The following PCDH15 variants were observed in gnomAD, a reference collection of about 807,000 sequenced individuals.
The protein encoded by PCDH15 is protocadherin-15.
Under a neutral mutation model 178.5 loss-of-function variants are expected in PCDH15, and 129 were observed. The ratio of observed to expected loss-of-function variants is 0.72; its 90% CI spans 0.63 to 0.84. PCDH15 has a LOEUF of 0.84. Ranked by LOEUF, PCDH15 falls within the 40% of genes least tolerant of loss-of-function variation. PCDH15 has a pLI of 0.00. For missense variants in PCDH15, 2,230 were observed against 2,099.9 expected, an observed-to-expected ratio of 1.06 and a Z score of -1.21; for synonymous variants, 800 against 732.0, an observed-to-expected ratio of 1.09 and a Z score of -1.50.
intron 18 of PCDH15, among the ~76,000 whole-genome samples, chr10:54,060,202 G>A (rs542276878): frequency 1.3e-5 from 2 of 152,264 alleles, no homozygotes; most frequent in Non-Finnish European, 2.9e-5. Flanking sequence ...ACTTAAAAAG[G>A]ATAAACGCTG....
chr10:53,838,273 C>A (rs899134663), intron 29 of PCDH15, among the ~76,000 whole-genome samples: 6 of 152,060 alleles, frequency 3.9e-5, no homozygotes. Context: ...CCGCGCCCGG[C>A]CAAAAATTTA....
chr10:54,254,772 T>C (rs567579486), intron 8 of PCDH15, among the ~76,000 whole-genome samples: 1 of 152,212 alleles, frequency 6.6e-6, no homozygotes, highest in Non-Finnish European at 1.5e-5. Context: ...CAGGGTACTG[T>C]TGATAACTCT....
chr10:54,623,038 C>T (rs2093437035), intron 2 of PCDH15, among the ~76,000 whole-genome samples: 1 of 151,636 alleles, frequency 6.6e-6, no homozygotes, highest in Non-Finnish European at 1.5e-5. Context: ...CCACTACTTC[C>T]ATATAAAGTC....
At chr10:54,024,921 A>G (rs895745864) in intron 18 of PCDH15, among the ~76,000 whole-genome samples, 4 of 152,158 alleles carry the variant, frequency 2.6e-5, no homozygotes, top group Admixed American at 2.0e-4. Context: ...TTGTAAGCCA[A>G]GAACAAAATA....
chr10:54,859,454 GTC>G (rs1353670024), intron 3 of PCDH15, among the ~76,000 whole-genome samples: 1 of 151,684 alleles, frequency 6.6e-6, no homozygotes, highest in Non-Finnish European at 1.5e-5. Context: ...TCAAACATTT[GTC>G]TTTTTCCTAT....
chr10:54,537,199 C>A (rs1030648510), intron 2 of PCDH15, among the ~76,000 whole-genome samples: 1 of 151,936 alleles, frequency 6.6e-6, no homozygotes, highest in African/African-American at 2.4e-5. Flanking sequence ...CGGGGTTTCA[C>A]CGTGTTAGCC....
intron 2 of PCDH15, among the ~76,000 whole-genome samples, chr10:55,143,218 A>G (rs112795013): frequency 0.013 from 2,034 of 152,062 alleles, 37 homozygotes; most frequent in African/African-American, 0.044. Context: ...TTTTTTAAAT[A>G]AATTACCCAT....
chr10:54,932,744 T>C (rs1273556164), intron 2 of PCDH15, among the ~76,000 whole-genome samples: 1 of 152,010 alleles, frequency 6.6e-6, no homozygotes, highest in Non-Finnish European at 1.5e-5. Flanking sequence ...ACCATGTTGA[T>C]CAGGCAGGTC....
intron 1 of PCDH15, among the ~76,000 whole-genome samples, chr10:55,206,665 AT>A (rs1201678560): frequency 1.3e-5 from 2 of 152,128 alleles, no homozygotes; most frequent in African/African-American, 4.8e-5. Flanking sequence ...CTTTAGACAC[AT>A]TTTGGAGCAG....
intron 21 of PCDH15, among the ~76,000 whole-genome samples, chr10:53,972,992 C>G (rs540132689): frequency 2.0e-5 from 3 of 152,132 alleles, no homozygotes; most frequent in East Asian, 1.9e-4. Flanking sequence ...ACATGCACAC[C>G]TATGTTTATT....
Position 55,221,872 on chromosome 10 carries a change from A to AT in PCDH15, c.-155-55222dup, listed in dbSNP as rs879797564. On this transcript the variant is annotated intron_variant, in intron 1 of 5. Coordinates refer to the PCDH15 transcript ENST00000458638. The stretch of plus-strand genomic sequence containing the variant: ...CTATAATTTATTTATTTTTATCATT[A>AT]TTTTTTTTTTTTGAAATGGAGTCTC... Among the ~76,000 whole-genome samples, 196 of 146,376 alleles carry AT rather than the reference A, an allele frequency of 1.3e-3. 1 individual carries two copies. The highest frequency in any genetic ancestry group is 3.5e-3 in the Middle Eastern group (1 of 286).
chr10:54,193,604 A>C (rs1205078458), intron 11 of PCDH15, among the ~76,000 whole-genome samples: 1 of 152,154 alleles, frequency 6.6e-6, no homozygotes, highest in African/African-American at 2.4e-5. Flanking sequence ...GTGGGGATTC[A>C]GTAGAGACTT....
intron 2 of PCDH15, among the ~76,000 whole-genome samples, chr10:55,008,770 A>G (rs1839986234): frequency 6.6e-6 from 1 of 152,156 alleles, no homozygotes. Flanking sequence ...TGTGTTGGTG[A>G]TTAGTCAAAT....
At chr10:54,772,508 GA>G (rs1409795233) in intron 1 of PCDH15, among the ~76,000 whole-genome samples, 3 of 151,882 alleles carry the variant, frequency 2.0e-5, no homozygotes, top group Non-Finnish European at 4.4e-5. Context: ...ACAAACATAT[GA>G]AAAAAAGCTC....
chr10:54,681,694 G>GT (rs143337040), intron 1 of PCDH15, among the ~76,000 whole-genome samples: 1,840 of 151,306 alleles, frequency 0.012, 19 homozygotes, highest in African/African-American at 0.019. Flanking sequence ...ATTTGTTAGT[G>GT]TTTTTTTTTA....
chr10:55,000,110 T>G (rs1254651942), intron 2 of PCDH15, among the ~76,000 whole-genome samples: 3 of 152,140 alleles, frequency 2.0e-5, no homozygotes, highest in African/African-American at 7.2e-5. Context: ...GAGACATGGT[T>G]TGAGAGCAGA....
upstream of PCDH15, among the ~76,000 whole-genome samples, chr10:55,324,029 G>A (rs1235295308): frequency 6.6e-6 from 1 of 152,024 alleles, no homozygotes; most frequent in Non-Finnish European, 1.5e-5. Context: ...AAGATCTGAA[G>A]CTTTTTCAAA....
intron 2 of PCDH15, among the ~76,000 whole-genome samples, chr10:54,622,638 T>A (rs1207132272): frequency 2.4e-5 from 1 of 40,858 alleles, no homozygotes; most frequent in East Asian, 7.6e-4. Flanking sequence ...ATATATATTA[T>A]ATAATTATAT....
intron 2 of PCDH15, among the ~76,000 whole-genome samples, chr10:55,625,588 G>C (rs1202571751): frequency 6.6e-6 from 1 of 152,122 alleles, no homozygotes; most frequent in Middle Eastern, 3.2e-3. Flanking sequence ...AACTGTTCTA[G>C]AGCCTGGAAC....
Sources: allele counts gnomAD v4.1 joint callset (sites outside exome capture counted in the v4.1 genomes callset), GRCh38; gene constraint gnomAD v4.1.1; transcripts MANE v1.5; gene names NCBI Gene and HGNC (gene_info 2026-07-23, HGNC 2026-07-21).